The following SLC36A1 variants were observed in gnomAD, a reference collection of about 807,000 sequenced individuals.
SLC36A1 encodes the protein proton-coupled amino acid transporter 1.
A neutral mutation model predicts 47.5 loss-of-function variants in SLC36A1; 30 were observed. The ratio of observed to expected loss-of-function variants is 0.63; its 90% confidence interval spans 0.47 to 0.86. The LOEUF (loss-of-function observed/expected upper bound fraction) is 0.86. Among genes scored for constraint, SLC36A1 ranks in the 40% least tolerant of loss-of-function variants. The pLI is 0.00. For synonymous variants in SLC36A1, 255 were observed against 249.7 expected (o/e 1.02, Z -0.20); for missense variants, 517 against 606.0 (o/e 0.85, Z 1.54).
chr5:151,468,299 T>TATATAAA (rs1756854305), intron 7 of SLC36A1, among the ~76,000 whole-genome samples: 1 of 72,524 alleles, frequency 1.4e-5, no homozygotes, highest in African/African-American at 4.7e-5. Context: ...ATATATTTTA[T>TATATAAA]ATATATATAT....
At chr5:151,412,235 T>G in the SLC36A1 span, among the ~76,000 whole-genome samples, 2 of 144,754 alleles carry the variant, frequency 1.4e-5, 1 homozygote, top group African/African-American at 5.0e-5. Flanking sequence ...TATGTTATAT[T>G]GCATTTGGGG....
intron 8 of SLC36A1, 91 bp from the exon 9 acceptor site, chr5:151,476,499 G>A (rs1161070493): frequency 2.0e-6 from 2 of 1,024,700 alleles, no homozygotes; most frequent in African/African-American, 1.6e-5. Context: ...GGGGATAAAA[G>A]AGTTACTTTT....
At chr5:151,483,080 C>T (rs1206916929) in intron 10 of SLC36A1, among the ~76,000 whole-genome samples, 2 of 152,160 alleles carry the variant, frequency 1.3e-5, no homozygotes. Context: ...ATAAAAGTAA[C>T]TTGGTAAGTT....
chr5:151,519,373 C>T, the SLC36A1 span, among the ~76,000 whole-genome samples: 2 of 152,106 alleles, frequency 1.3e-5, no homozygotes, highest in Non-Finnish European at 2.9e-5. Flanking sequence ...CAAACAAGTC[C>T]AAAATTCCCT....
chr5:151,515,020 C>A, the SLC36A1 span, among the ~76,000 whole-genome samples: 2 of 152,136 alleles, frequency 1.3e-5, no homozygotes, highest in Non-Finnish European at 2.9e-5. Flanking sequence ...AGTTTTCCAG[C>A]CAGATATTTT....
At chr5:151,383,476 C>T in the SLC36A1 span, among the ~76,000 whole-genome samples, 2,267 of 152,034 alleles carry the variant, frequency 0.015, 43 homozygotes, top group African/African-American at 0.051. Flanking sequence ...AAATATATCA[C>T]TCCAAACACT....
At chr5:151,357,069 C>T in the SLC36A1 span, among the ~76,000 whole-genome samples, 3 of 152,150 alleles carry the variant, frequency 2.0e-5, no homozygotes, top group East Asian at 5.8e-4. Context: ...GAATTATAGT[C>T]CCCATGTTAC....
intron 1 of SLC36A1, among the ~76,000 whole-genome samples, chr5:151,458,324 ATATATATATGGGATATT>A (rs1404635075): frequency 1.6e-4 from 17 of 104,690 alleles, no homozygotes; most frequent in African/African-American, 5.5e-4. Context: ...ATATATATAT[ATATATATATGGGATATT>A]TATATATATA....
chr5:151,456,673 A>G (rs951685177), intron 1 of SLC36A1, among the ~76,000 whole-genome samples: 3 of 152,188 alleles, frequency 2.0e-5, no homozygotes, highest in African/African-American at 4.8e-5. Flanking sequence ...GGCTCTGGCA[A>G]TGAAGCTAGG....
chr5:151,380,846 G>A, the SLC36A1 span: 1 of 459,070 alleles, frequency 2.2e-6, no homozygotes, highest in Non-Finnish European at 4.4e-6. Flanking sequence ...ACTGCCTCCA[G>A]GACACAGCAA....
In SLC36A1 at chr5:151,467,215, T is replaced by G; in HGVS notation, c.436T>G (p.Phe146Val). ...AHWGRRVVDFFLIVTQLGFCC... is the reference protein window; with the variant it reads ...AHWGRRVVDFVLIVTQLGFCC... ...CACCTCCAGACGTGTTGTGGACTTC[T>G]TCCTGATTGTCACCCAGCTGGGATT... Residue 146 changes from phenylalanine (F) to valine (V), a missense_variant, in exon 6 of 11, where the codon TTC becomes GTC. Coordinates refer to ENST00000243389, the MANE Select transcript of SLC36A1 (RefSeq NM_078483.4). 6.2e-7 allele frequency: 1 copy of G among 1,613,026 alleles called. No individual in the cohort carries two copies. Among genetic ancestry groups the G allele is most frequent in the Non-Finnish European group, 8.5e-7 (1 of 1,179,520 alleles).
chr5:151,493,829 G>T (rs1227278595), downstream of SLC36A1, among the ~76,000 whole-genome samples: 1 of 152,140 alleles, frequency 6.6e-6, no homozygotes, highest in African/African-American at 2.4e-5. Context: ...TTGTCCTGAG[G>T]GTTAGAGAGA....
chr5:151,455,184 A>T (rs1462092105), intron 1 of SLC36A1, among the ~76,000 whole-genome samples: 1 of 152,122 alleles, frequency 6.6e-6, no homozygotes, highest in East Asian at 1.9e-4. Context: ...GATGGAGCCG[A>T]GGTCCACTTA....
chr5:151,505,560 G>A, the SLC36A1 span: 11 of 1,614,044 alleles, frequency 6.8e-6, no homozygotes, highest in South Asian at 1.2e-4. Context: ...TCTGGGAATG[G>A]GAAGCTAGAA....
rs1370591491 is a variant in SLC36A1 at position 151,488,481 on chromosome 5, C to T, written c.*227C>T. On this transcript the variant is annotated 3_prime_UTR_variant, in exon 11 of 11. Transcript: ENST00000243389. ...CTAGTGACAGGGCTGCCATCGCTCA[C>T]CTGTACCTATTTACACCCAGAACTT... is the stretch of plus-strand genomic sequence containing the variant. 8.6e-6 allele frequency: 5 copies of T among 583,322 alleles called. No individual in the cohort carries two copies. Among genetic ancestry groups the T allele is most frequent in the Non-Finnish European group, 1.5e-5 (5 of 331,892 alleles). 36.1% of individuals were successfully genotyped at this position (583,322 alleles called of 1,614,324 possible).
At chr5:151,382,683 C>T in the SLC36A1 span, among the ~76,000 whole-genome samples, 1 of 152,198 alleles carries the variant, frequency 6.6e-6, no homozygotes, top group Non-Finnish European at 1.5e-5. Flanking sequence ...AGTACCCCAA[C>T]TCATTGCGCC....
intron 7 of SLC36A1, among the ~76,000 whole-genome samples, chr5:151,472,821 T>C (rs1018470500): frequency 5.3e-5 from 8 of 152,264 alleles, no homozygotes; most frequent in African/African-American, 1.2e-4. Context: ...CTCACTAATA[T>C]TTCGTAAGTA....
chr5:151,548,193 G>A, the SLC36A1 span, among the ~76,000 whole-genome samples: 1 of 152,094 alleles, frequency 6.6e-6, no homozygotes, highest in African/African-American at 2.4e-5. Flanking sequence ...TACTGTATAA[G>A]CTACTGACAT....
At chr5:151,554,093 G>A in the SLC36A1 span, among the ~76,000 whole-genome samples, 1,270 of 152,320 alleles carry the variant, frequency 8.3e-3, 16 homozygotes, top group African/African-American at 0.029. Flanking sequence ...AGGCTTATTG[G>A]TTCCAAAGCC....
Sources: allele counts gnomAD v4.1 joint callset (sites outside exome capture counted in the v4.1 genomes callset), GRCh38; gene constraint gnomAD v4.1.1; transcripts MANE v1.5; gene names NCBI Gene and HGNC (gene_info 2026-07-23, HGNC 2026-07-21).